The following AUTS2 variants were observed in gnomAD, a reference collection of about 807,000 sequenced individuals.
AUTS2 encodes the protein activator of transcription and developmental regulator AUTS2.
AUTS2 carries 17 observed loss-of-function variants against 112.4 expected under a neutral mutation model. That is an observed-to-expected ratio of 0.15 (90% confidence interval 0.10 to 0.23). The LOEUF is 0.23. Among genes scored for constraint, AUTS2 ranks in the 10% least tolerant of loss-of-function variants. AUTS2 has a pLI of 1.00. For synonymous variants in AUTS2, 751 were observed against 702.7 expected, an observed-to-expected ratio of 1.07 and a Z score of -1.09; for missense variants, 1,510 against 1,701.6, an observed-to-expected ratio of 0.89 and a Z score of 1.98.
At chr7:70,176,973 A>G (rs1809021909) in intron 4 of AUTS2, among the ~76,000 whole-genome samples, 1 of 152,232 alleles carries the variant, frequency 6.6e-6, no homozygotes, top group African/African-American at 2.4e-5. Context: ...TAAAAAGTAT[A>G]TTAGCAAGTT....
chr7:69,742,048 C>T (rs891853890), intron 1 of AUTS2, among the ~76,000 whole-genome samples: 1 of 151,830 alleles, frequency 6.6e-6, no homozygotes, highest in African/African-American at 2.4e-5. Flanking sequence ...TGATCCTTTC[C>T]ACCTCAGCCT....
chr7:69,993,648 C>T lies in AUTS2; in HGVS notation c.522+94150C>T, dbSNP rs115381710. Among the ~76,000 whole-genome samples the T allele has an allele frequency of 6.3e-3, 956 of 152,088 alleles. 10 individuals are homozygous for T. The highest frequency in any genetic ancestry group is 0.022 in the African/African-American group (910 of 41,488). On this transcript the variant is annotated intron_variant, in intron 2 of 18. Coordinates refer to ENST00000342771, the MANE Select transcript of AUTS2 (RefSeq NM_015570.4). ...ACTTAGGAGGCTGAGGTAGGAGGAT[C>T]GCTTGAGCCTGTGATGTACAGTCTA...
At chr7:70,553,507 T>A (rs532800066) in intron 5 of AUTS2, among the ~76,000 whole-genome samples, 3 of 152,260 alleles carry the variant, frequency 2.0e-5, no homozygotes, top group African/African-American at 7.2e-5. Flanking sequence ...GTGGTCATGA[T>A]ACACACAGGT....
At chr7:69,709,047 C>T (rs1264910005) in intron 1 of AUTS2, among the ~76,000 whole-genome samples, 6 of 152,126 alleles carry the variant, frequency 3.9e-5, no homozygotes, top group Admixed American at 3.9e-4. Context: ...GTACTTGTTT[C>T]CTTGTTGAGG....
At chr7:70,266,224 G>A (rs1158258014) in intron 4 of AUTS2, among the ~76,000 whole-genome samples, 2 of 152,190 alleles carry the variant, frequency 1.3e-5, no homozygotes, top group Admixed American at 1.3e-4. Context: ...AAAGAATGGA[G>A]TACCACACGT....
At chr7:70,097,135 A>T (rs1023765669) in intron 2 of AUTS2, among the ~76,000 whole-genome samples, 1 of 152,254 alleles carries the variant, frequency 6.6e-6, no homozygotes, top group Non-Finnish European at 1.5e-5. Context: ...ATATAAGAAC[A>T]GTCATTATTT....
At chr7:69,947,118 G>T (rs1466540111) in intron 2 of AUTS2, among the ~76,000 whole-genome samples, 1 of 152,204 alleles carries the variant, frequency 6.6e-6, no homozygotes, top group Non-Finnish European at 1.5e-5. Flanking sequence ...GGTTTAAAGG[G>T]ATTGAGGGAG....
At chr7:69,642,543 A>G (rs984968169) in intron 1 of AUTS2, among the ~76,000 whole-genome samples, 17 of 152,344 alleles carry the variant, frequency 1.1e-4, no homozygotes, top group African/African-American at 3.6e-4. Flanking sequence ...ACTTGTGTAT[A>G]GGAACCTGGC....
At position 70,465,831 on chromosome 7, in the gene AUTS2, G is replaced by T. The variant is rs189567213; in HGVS notation, c.690+30050G>T. On this transcript the variant is annotated intron_variant, in intron 5 of 18. Transcript: ENST00000342771. ...AGGAGGCAAAGCCACAGCTGTCTGT[G>T]TACCCCCATGCAAGTGGGCAGGAGG... Among the ~76,000 whole-genome samples the T allele has an allele frequency of 8.5e-5, 13 of 152,306 alleles. No individual in the cohort carries two copies. The East Asian group carries it at 2.3e-3, about 27-fold the overall frequency.
At chr7:69,787,867 C>T (rs1356462272) in intron 1 of AUTS2, among the ~76,000 whole-genome samples, 4 of 151,838 alleles carry the variant, frequency 2.6e-5, no homozygotes, top group Admixed American at 6.6e-5. Context: ...TGAGCCACTG[C>T]GCCTAGCTGT....
intron 4 of AUTS2, among the ~76,000 whole-genome samples, chr7:70,153,463 A>G (rs928604490): frequency 6.6e-6 from 1 of 152,144 alleles, no homozygotes; most frequent in African/African-American, 2.4e-5. Flanking sequence ...GCAGGAGTAA[A>G]CTTTTGTAGG....
intron 5 of AUTS2, among the ~76,000 whole-genome samples, chr7:70,463,675 G>A (rs772780077): frequency 1.3e-5 from 2 of 152,216 alleles, no homozygotes; most frequent in Non-Finnish European, 2.9e-5. Flanking sequence ...TCACCCGCTT[G>A]CTCTTTGGTA....
chr7:70,675,719 G>GGACAAAAGCACCTCTGCAC (rs1807876214), intron 5 of AUTS2, among the ~76,000 whole-genome samples: 1 of 152,170 alleles, frequency 6.6e-6, no homozygotes, highest in Non-Finnish European at 1.5e-5. Context: ...CACTTGGCAG[G>GGACAAAAGCACCTCTGCAC]GACAAAAGCA....
intron 1 of AUTS2, among the ~76,000 whole-genome samples, chr7:69,745,902 C>G (rs1194892019): frequency 6.6e-6 from 1 of 152,124 alleles, no homozygotes; most frequent in Non-Finnish European, 1.5e-5. Flanking sequence ...GAGACAAAGT[C>G]TCACTCTTTT....
intron 5 of AUTS2, among the ~76,000 whole-genome samples, chr7:70,585,451 A>C (rs1802636978): frequency 1.3e-5 from 2 of 152,198 alleles, no homozygotes; most frequent in African/African-American, 2.4e-5. Flanking sequence ...TGAGGTTCTC[A>C]TTAATGACTT....
chr7:70,752,113 CA>C (rs1788902614), intron 6 of AUTS2, among the ~76,000 whole-genome samples: 1 of 151,914 alleles, frequency 6.6e-6, no homozygotes, highest in South Asian at 2.1e-4. Context: ...AACAGCCAGG[CA>C]GGGGTGGACA....
chr7:69,681,875 G>A (rs530962975), intron 1 of AUTS2, among the ~76,000 whole-genome samples: 205 of 152,118 alleles, frequency 1.3e-3, no homozygotes, highest in African/African-American at 4.8e-3. Context: ...ACTAAGTGAC[G>A]AGGATGGAGA....
intron 5 of AUTS2, among the ~76,000 whole-genome samples, chr7:70,584,988 G>A (rs1802616206): frequency 6.6e-6 from 1 of 152,184 alleles, no homozygotes; most frequent in Non-Finnish European, 1.5e-5. Flanking sequence ...TTTTCAAAGG[G>A]AAACCAAAAT....
chr7:70,075,975 C>G (rs1028183642), intron 2 of AUTS2, among the ~76,000 whole-genome samples: 6 of 152,312 alleles, frequency 3.9e-5, no homozygotes, highest in African/African-American at 1.2e-4. Context: ...AACTCTGCCA[C>G]TGTAGCAGGA....
Sources: allele counts gnomAD v4.1 joint callset (sites outside exome capture counted in the v4.1 genomes callset), GRCh38; gene constraint gnomAD v4.1.1; transcripts MANE v1.5; gene names NCBI Gene and HGNC (gene_info 2026-07-23, HGNC 2026-07-21).